ZBTB40: variants seen among roughly 807,000 people sequenced by gnomAD.
ZBTB40 encodes the protein zinc finger and BTB domain-containing protein 40.
In ZBTB40, 60 loss-of-function variants were observed where a neutral mutation model predicts 117.5. The observed-to-expected ratio is 0.51, with a 90% CI of 0.41 to 0.63. ZBTB40 has a LOEUF of 0.63. ZBTB40 is among the 30% of genes least tolerant of loss of function. The pLI is 0.00. For synonymous variants in ZBTB40, 525 were observed against 577.1 expected, an observed-to-expected ratio of 0.91 and a Z score of 1.29; for missense variants, 1,287 against 1,498.5, an observed-to-expected ratio of 0.86 and a Z score of 2.33.
chr1:22,454,450 C>G (rs1640959231), intron 1 of ZBTB40, among the ~76,000 whole-genome samples: 1 of 152,056 alleles, frequency 6.6e-6, no homozygotes, highest in African/African-American at 2.4e-5. Flanking sequence ...GAGACACTAA[C>G]CTGGGAGACT....
In ZBTB40 at chr1:22,435,826, A is replaced by G. The variant is rs553627793; in HGVS notation, c.-70+6812A>G. Among the ~76,000 whole-genome samples, 3 of 152,304 alleles carry G rather than the reference A, an allele frequency of 2.0e-5. No individual in the cohort carries two copies. In the East Asian group the frequency reaches 5.8e-4, roughly 29 times the overall value. ...TACATACATATGACAAAGGACTTGA[A>G]TCCAAAATATATTTTGGATATCACC... On this transcript the variant is annotated intron_variant, in intron 1 of 8. Transcript: ENST00000650433.
At chr1:22,466,187 G>A (rs539859991) in intron 1 of ZBTB40, among the ~76,000 whole-genome samples, 39 of 152,316 alleles carry the variant, frequency 2.6e-4, no homozygotes, top group Middle Eastern at 3.4e-3. Flanking sequence ...ATGTTTTCAA[G>A]ATTCATCCAT....
chr1:22,497,380 G>A (rs1364244524), intron 3 of ZBTB40, among the ~76,000 whole-genome samples: 2 of 152,206 alleles, frequency 1.3e-5, no homozygotes, highest in Non-Finnish European at 2.9e-5. Flanking sequence ...GCAGATCTGT[G>A]TTTGGAGGGC....
intron 7 of ZBTB40, 98 bp from the exon 8 acceptor site, chr1:22,508,432 A>G (rs919069952): frequency 1.4e-5 from 20 of 1,439,088 alleles, no homozygotes; most frequent in South Asian, 1.4e-4. Context: ...TCCTTCCCCA[A>G]ACATATTCAC....
intron 1 of ZBTB40, among the ~76,000 whole-genome samples, chr1:22,467,562 C>T (rs948700702): frequency 3.3e-5 from 5 of 152,136 alleles, no homozygotes; most frequent in Admixed American, 2.0e-4. Flanking sequence ...GCAATCTCTG[C>T]CTCCCTGGTT....
At chr1:22,454,419 G>A (rs534218931) in intron 1 of ZBTB40, among the ~76,000 whole-genome samples, 1 of 152,188 alleles carries the variant, frequency 6.6e-6, no homozygotes, top group South Asian at 2.1e-4. Flanking sequence ...CTGCTCTAAA[G>A]GAAATAAAAC....
intron 1 of ZBTB40, among the ~76,000 whole-genome samples, chr1:22,443,361 G>T (rs559635177): frequency 2.6e-5 from 4 of 152,336 alleles, no homozygotes; most frequent in Admixed American, 1.3e-4. Flanking sequence ...ATATATGTAA[G>T]ATATACATTA....
rs1051477093 is a variant in ZBTB40, at chr1:22,507,871, C to A, written c.1361-130C>A. The A allele has an allele frequency of 1.2e-5, 17 of 1,379,004 alleles. No individual in the cohort carries two copies. In the African/African-American group the frequency reaches 2.3e-4, roughly 19 times the overall value. The allele number at this position is 1,379,004 out of a possible 1,614,324, so 85.4% of individuals were successfully genotyped here. ...GAACATATGTGTATGAGGCCCCAAG[C>A]CAGGGCTCTGCAGAGGACACTGAGC... On this transcript the variant is annotated intron_variant, in intron 6 of 17. Transcript: ENST00000375647.
At position 22,529,367 on chromosome 1, in the gene ZBTB40, C is replaced by T. The variant is rs996036627; in HGVS notation, c.*2971C>T. ...GCTTCTTGGAACACATGGATCTGTTCGGTGGGTCCCCAGACCTCTGCTCCC... is the reference window on the plus strand; with the variant it reads ...GCTTCTTGGAACACATGGATCTGTTTGGTGGGTCCCCAGACCTCTGCTCCC... On this transcript the variant is annotated 3_prime_UTR_variant, in exon 18 of 18. Coordinates refer to ENST00000375647, the MANE Select transcript of ZBTB40 (RefSeq NM_014870.4). 1.3e-5 allele frequency: 2 copies of T among 152,244 alleles called. No homozygotes were observed. The highest frequency in any genetic ancestry group is 2.9e-5 in the Non-Finnish European group (2 of 68,116). The allele number at this position is 152,244 out of a possible 1,614,324, so 9.4% of individuals were successfully genotyped here. A position where few individuals can be genotyped will look rare whatever the true frequency, so the allele number is the denominator to read the frequency against.
chr1:22,502,356 T>C lies in ZBTB40; in HGVS notation c.1082T>C (p.Leu361Pro), dbSNP rs1638959394. The change falls in exon 5 of 18, where the codon CTG becomes CCG. Residue 361 changes from leucine (L) to proline (P), a missense_variant. Leu to Pro is a moderately conservative substitution (Grantham distance 98). Transcript: ENST00000375647. ...CTGTTACTAGAACACAAAGAGGACC[T>C]GATACAGTGTGTAACACAGCTGAGA... ...SVLLLEHKED[L>P]IQCVTQLRPI... 1.2e-6 allele frequency: 2 copies of C among 1,613,966 alleles called. No homozygotes were observed. Among genetic ancestry groups the C allele is most frequent in the African/African-American group, 1.3e-5 (1 of 74,892 alleles).
At chr1:22,448,785 C>T (rs139660874), upstream of ZBTB40, among the ~76,000 whole-genome samples, 5 of 149,786 alleles carry the variant, frequency 3.3e-5, no homozygotes, top group African/African-American at 1.2e-4. Flanking sequence ...CAGGAGAAGT[C>T]GTGGTGGTTG....
chr1:22,515,803 C>G (rs1240597240), intron 12 of ZBTB40, among the ~76,000 whole-genome samples: 2 of 152,162 alleles, frequency 1.3e-5, no homozygotes, highest in African/African-American at 4.8e-5. Flanking sequence ...GGCCATTATC[C>G]CGCCTACCAC....
rs911770597 is a variant in ZBTB40 at position 22,526,365 on chromosome 1, C to T, written c.3689C>T (p.Thr1230Ile). The change falls in exon 18 of 18, where the codon ACA becomes ATA. Residue 1230 changes from threonine (T) to isoleucine (I), a missense_variant. Physicochemically the swap from Thr to Ile is moderately conservative, Grantham distance 89 (BLOSUM62 -1). This residue lies in a region of ZBTB40 where 417 missense variants were observed against 564.1 expected (regional missense o/e 0.74). Coordinates refer to ENST00000375647, the MANE Select transcript of ZBTB40 (RefSeq NM_014870.4). ...AVTVEDLLDG[T>I]VTLICGEAK is the part of the protein sequence containing the mutation. ...ACTGTGGAGGACTTGCTGGATGGCA[C>T]AGTGACGCTGATCTGTGGTGAGGCC... is the stretch of plus-strand genomic sequence containing the variant. The T allele has an allele frequency of 2.5e-6, 4 of 1,614,068 alleles. No homozygotes were observed. The highest frequency in any genetic ancestry group is 3.4e-6 in the Non-Finnish European group (4 of 1,180,042).
At chr1:22,523,461 A>G (rs1253401008) in intron 16 of ZBTB40, among the ~76,000 whole-genome samples, 1 of 152,236 alleles carries the variant, frequency 6.6e-6, no homozygotes, top group Non-Finnish European at 1.5e-5. Context: ...TTCTCAGAGT[A>G]GTGTTCAATT....
intron 1 of ZBTB40, among the ~76,000 whole-genome samples, chr1:22,454,869 A>G (rs1302306567): frequency 2.0e-5 from 3 of 152,268 alleles, no homozygotes; most frequent in Non-Finnish European, 4.4e-5. Flanking sequence ...TTGCTGAATA[A>G]CCAAATTTAG....
At chr1:22,433,681 C>T (rs982163077) in intron 1 of ZBTB40, among the ~76,000 whole-genome samples, 6 of 147,412 alleles carry the variant, frequency 4.1e-5, no homozygotes, top group Non-Finnish European at 6.0e-5. Context: ...AACCCTCCAC[C>T]GATATGGACT....
rs76880008 is a variant in ZBTB40 at position 22,498,993 on chromosome 1, A to T, written c.832-2499A>T. Among the ~76,000 whole-genome samples the T allele has an allele frequency of 0.01, 1,546 of 152,330 alleles. 101 individuals are homozygous for T. In the East Asian group the frequency reaches 0.18, roughly 17 times the overall value. ...AATCTAGCAACTTCAAGCAACAAAC[A>T]TTTATTCCCACAGTTCCTGTGGGTC... On this transcript the variant is annotated intron_variant, in intron 3 of 17. Transcript: ENST00000375647.
At position 22,513,873 on chromosome 1, in the gene ZBTB40, GT is replaced by G. The variant is rs1233287243; in HGVS notation, c.2668+748del. Among the ~76,000 whole-genome samples the G allele has an allele frequency of 6.6e-6, 1 of 152,162 alleles. No homozygotes were observed. The highest frequency in any genetic ancestry group is 2.4e-5 in the African/African-American group (1 of 41,438). On this transcript the variant is annotated intron_variant, in intron 12 of 17. Coordinates refer to ENST00000375647, the MANE Select transcript of ZBTB40 (RefSeq NM_014870.4). The surrounding 1 kb of genome is among the most constrained non-coding windows in gnomAD (Gnocchi z 4.9). ...TAGGTCTTGTGGAAAAGTCATTGTG[GT>G]TTTTGCCATTAAAAGTTATAGAGAA...
chr1:22,516,689 A>G (rs1045467918), intron 12 of ZBTB40, among the ~76,000 whole-genome samples: 41 of 152,158 alleles, frequency 2.7e-4, no homozygotes, highest in African/African-American at 8.9e-4. Context: ...CTCTCGGCCC[A>G]TAAGGGAGCT....
Sources: allele counts gnomAD v4.1 joint callset (sites outside exome capture counted in the v4.1 genomes callset), GRCh38; gene constraint gnomAD v4.1.1; regional missense constraint gnomAD v4.1.1; non-coding constraint Gnocchi (gnomAD v3.1); transcripts MANE v1.5; gene names NCBI Gene and HGNC (gene_info 2026-07-23, HGNC 2026-07-21).